ZNRF3: variants seen among roughly 807,000 people sequenced by gnomAD.
ZNRF3 encodes zinc and ring finger 3, also known as E3 ubiquitin-protein ligase ZNRF3.
Under a neutral mutation model 72.5 loss-of-function variants are expected in ZNRF3, and 23 were observed. The ratio of observed to expected loss-of-function variants is 0.32; its 90% CI spans 0.23 to 0.45. The LOEUF (loss-of-function observed/expected upper bound fraction) is 0.45. ZNRF3 is among the 20% of genes least tolerant of loss of function. The pLI, the probability that ZNRF3 is intolerant of heterozygous loss-of-function variation, is 1.00. For synonymous variants in ZNRF3, 610 were observed against 545.3 expected (o/e 1.12, Z -1.65); for missense variants, 1,169 against 1,272.1 (o/e 0.92, Z 1.23).
chr22:29,053,690 A>C lies in ZNRF3; in HGVS notation c.*68A>C. On this transcript the variant is annotated 3_prime_UTR_variant, in exon 9 of 9. Coordinates refer to ENST00000544604, the MANE Select transcript of ZNRF3 (RefSeq NM_001206998.2). ...GACTCCAAACTGACTTCTTTCAAAAAACAAAAACAAAAAATTTTTTTAGCT... is the reference window on the plus strand; with the variant it reads ...GACTCCAAACTGACTTCTTTCAAAACACAAAAACAAAAAATTTTTTTAGCT... 1 of 1,490,246 alleles carries C rather than the reference A, an allele frequency of 6.7e-7. No individual in the cohort carries two copies. The highest frequency in any genetic ancestry group is 9.1e-7 in the Non-Finnish European group (1 of 1,100,250). 92.3% of individuals were successfully genotyped at this position (1,490,246 alleles called of 1,614,324 possible).
chr22:28,928,347 G>A (rs528790443), intron 1 of ZNRF3, among the ~76,000 whole-genome samples: 1 of 152,042 alleles, frequency 6.6e-6, no homozygotes, highest in South Asian at 2.1e-4. Context: ...CTATTTGAAA[G>A]TTGCCAACAT....
At chr22:29,031,826 G>T (rs2036765054) in intron 2 of ZNRF3, among the ~76,000 whole-genome samples, 1 of 152,302 alleles carries the variant, frequency 6.6e-6, no homozygotes, top group African/African-American at 2.4e-5. Context: ...ACAGGAGCAG[G>T]CCTGGTGGCG....
chr22:29,052,971 AAAT>A (rs2080763193), intron 8 of ZNRF3, among the ~76,000 whole-genome samples: 1 of 152,108 alleles, frequency 6.6e-6, no homozygotes, highest in African/African-American at 2.4e-5. Flanking sequence ...CCTGTCTCAA[AAAT>A]AATAATAAAT....
chr22:28,909,879 C>T (rs899071643), intron 1 of ZNRF3, among the ~76,000 whole-genome samples: 2 of 151,640 alleles, frequency 1.3e-5, no homozygotes, highest in Non-Finnish European at 2.9e-5. Flanking sequence ...AGGTGTGAGC[C>T]ACCATGGCTG....
rs115777481 is a variant in ZNRF3, at chr22:28,945,464, G to A, written c.301-41612G>A. Reference sequence around the variant, plus strand: ...CCCAGCACTTGGAGAGGCCAAGGAGGGTGGATGGCTTGAGCCCAGGAGTTC... The same window carrying A: ...CCCAGCACTTGGAGAGGCCAAGGAGAGTGGATGGCTTGAGCCCAGGAGTTC... On this transcript the variant is annotated intron_variant, in intron 1 of 8. Transcript: ENST00000544604. Among the ~76,000 whole-genome samples the A allele has an allele frequency of 2.2e-3, 333 of 152,132 alleles. 3 individuals carry two copies. The highest frequency in any genetic ancestry group is 7.8e-3 in the African/African-American group (323 of 41,520).
At chr22:28,947,205 G>T (rs1012534427) in intron 1 of ZNRF3, among the ~76,000 whole-genome samples, 2 of 151,616 alleles carry the variant, frequency 1.3e-5, no homozygotes, top group Non-Finnish European at 1.5e-5. Context: ...TATCAGCCAT[G>T]TATTACTGAG....
chr22:28,968,444 T>C (rs2035513246), intron 1 of ZNRF3, among the ~76,000 whole-genome samples: 1 of 152,180 alleles, frequency 6.6e-6, no homozygotes, highest in African/African-American at 2.4e-5. Context: ...GTATGGTGGC[T>C]CAAACCTGTA....
At chr22:29,029,370 A>G (rs2036703749) in intron 2 of ZNRF3, among the ~76,000 whole-genome samples, 2 of 152,252 alleles carry the variant, frequency 1.3e-5, no homozygotes. Flanking sequence ...TGTAATCAAA[A>G]TAATCTTCTG....
At chr22:28,943,072 T>G (rs2034976746) in intron 1 of ZNRF3, among the ~76,000 whole-genome samples, 1 of 152,200 alleles carries the variant, frequency 6.6e-6, no homozygotes, top group Admixed American at 6.5e-5. Context: ...CTATTTTAAG[T>G]GTTTCTTCTT....
At chr22:29,028,361 C>T (rs1400533878) in intron 2 of ZNRF3, among the ~76,000 whole-genome samples, 1 of 152,150 alleles carries the variant, frequency 6.6e-6, no homozygotes, top group African/African-American at 2.4e-5. Flanking sequence ...AAAAAAATCC[C>T]TCCTTATGTT....
At chr22:28,983,024 AG>A (rs1245362834) in intron 1 of ZNRF3, among the ~76,000 whole-genome samples, 1 of 152,172 alleles carries the variant, frequency 6.6e-6, no homozygotes, top group Non-Finnish European at 1.5e-5. Flanking sequence ...ATGGATGGTG[AG>A]GTAAGTTTTC....
chr22:28,991,468 G>A (rs1293425227), intron 2 of ZNRF3, among the ~76,000 whole-genome samples: 2 of 151,858 alleles, frequency 1.3e-5, no homozygotes, highest in African/African-American at 2.4e-5. Context: ...TTCAGTTCTC[G>A]GTGCATTCTC....
rs1298963415 is a variant in ZNRF3, at chr22:28,938,282, G to T, written c.301-48794G>T. 2.0e-5 allele frequency among the ~76,000 whole-genome samples: 3 copies of T among 147,558 alleles called. No homozygotes were observed. In the East Asian group the frequency reaches 5.9e-4, roughly 29 times the overall value. On this transcript the variant is annotated intron_variant, in intron 1 of 8. Coordinates refer to ENST00000544604, the MANE Select transcript of ZNRF3 (RefSeq NM_001206998.2). ...TTTTTTTTTCAGTATACCTAGATCT[G>T]CACCATTATTTTTAATGGACAACAC... is the stretch of plus-strand genomic sequence containing the variant.
chr22:29,011,944 G>T (rs570748438), intron 2 of ZNRF3, among the ~76,000 whole-genome samples: 3 of 152,166 alleles, frequency 2.0e-5, no homozygotes, highest in African/African-American at 7.2e-5. Flanking sequence ...ATCCTCTTTT[G>T]GGAAAGAAGC....
chr22:28,918,716 T>TA (rs2069207465), intron 1 of ZNRF3, among the ~76,000 whole-genome samples: 1 of 152,046 alleles, frequency 6.6e-6, no homozygotes. Context: ...TATCCTGGGG[T>TA]ATGTGCGAAG....
At chr22:28,965,862 A>G (rs1317685683) in intron 1 of ZNRF3, among the ~76,000 whole-genome samples, 1 of 152,266 alleles carries the variant, frequency 6.6e-6, no homozygotes, top group African/African-American at 2.4e-5. Flanking sequence ...AATAAGCTAG[A>G]TGTGACAGTG....
chr22:29,032,602 C>A (rs889417285), intron 2 of ZNRF3, among the ~76,000 whole-genome samples: 1 of 152,196 alleles, frequency 6.6e-6, no homozygotes. Flanking sequence ...AGAGAACAGA[C>A]CTTTCTAAAA....
chr22:28,926,618 G>T (rs1246175473), intron 1 of ZNRF3, among the ~76,000 whole-genome samples: 1 of 151,714 alleles, frequency 6.6e-6, no homozygotes, highest in Non-Finnish European at 1.5e-5. Flanking sequence ...GACCAGCCTG[G>T]CCAGTGAAAC....
intron 1 of ZNRF3, among the ~76,000 whole-genome samples, chr22:28,970,867 G>A (rs983871069): frequency 6.6e-6 from 1 of 152,226 alleles, no homozygotes; most frequent in African/African-American, 2.4e-5. Context: ...TGGGGTGGAA[G>A]AAGAAATGGA....
Sources: gnomAD v4.1 joint callset for allele counts (sites outside exome capture counted in the v4.1 genomes callset) on GRCh38, gnomAD v4.1.1 for gene constraint, MANE v1.5 for transcripts, NCBI Gene and HGNC (gene_info 2026-07-23, HGNC 2026-07-21) for gene names.